The following CNTN5 variants were observed in gnomAD, a reference collection of about 807,000 sequenced individuals.
The protein encoded by CNTN5 is contactin 5.
CNTN5 carries 77 observed loss-of-function variants against 129.1 expected under a neutral mutation model. That is an observed-to-expected ratio of 0.60 (90% CI 0.50 to 0.72). CNTN5 has a LOEUF of 0.72. Ranked by LOEUF, CNTN5 falls within the 30% of genes least tolerant of loss-of-function variation. The pLI is 0.00. For missense variants in CNTN5, 1,478 were observed against 1,328.8 expected, an observed-to-expected ratio of 1.11 and a Z score of -1.75; for synonymous variants, 509 against 465.6, an observed-to-expected ratio of 1.09 and a Z score of -1.20.
At chr11:99,467,002 G>C (rs1944970402) in intron 2 of CNTN5, among the ~76,000 whole-genome samples, 2 of 152,124 alleles carry the variant, frequency 1.3e-5, no homozygotes, top group Non-Finnish European at 2.9e-5. Context: ...TGAATGCATA[G>C]TGTTATCTCT....
At chr11:99,260,878 A>C (rs568244091) in intron 1 of CNTN5, among the ~76,000 whole-genome samples, 3 of 152,106 alleles carry the variant, frequency 2.0e-5, no homozygotes, top group South Asian at 2.1e-4. Flanking sequence ...CTATGTATGT[A>C]TAACATCACT....
intron 13 of CNTN5, among the ~76,000 whole-genome samples, chr11:100,155,565 T>C (rs976769470): frequency 6.6e-6 from 1 of 152,078 alleles, no homozygotes; most frequent in Non-Finnish European, 1.5e-5. Flanking sequence ...AGAAAGTCAG[T>C]GGTAGCTTGA....
chr11:99,238,733 A>G (rs1861400406), intron 1 of CNTN5, among the ~76,000 whole-genome samples: 1 of 152,142 alleles, frequency 6.6e-6, no homozygotes, highest in African/African-American at 2.4e-5. Flanking sequence ...AAAATTGATC[A>G]TAAATGTATT....
At chr11:99,564,003 G>A (rs935266401) in intron 3 of CNTN5, among the ~76,000 whole-genome samples, 1 of 152,042 alleles carries the variant, frequency 6.6e-6, no homozygotes, top group African/African-American at 2.4e-5. Flanking sequence ...AAAAACGTGG[G>A]CTCATTTTTT....
intron 13 of CNTN5, among the ~76,000 whole-genome samples, chr11:100,163,698 T>A (rs1947531535): frequency 6.6e-6 from 1 of 151,792 alleles, no homozygotes; most frequent in Non-Finnish European, 1.5e-5. Flanking sequence ...GTGCTTACCT[T>A]CTAACCAAAT....
intron 8 of CNTN5, among the ~76,000 whole-genome samples, chr11:99,993,967 T>A (rs557902965): frequency 1.3e-5 from 2 of 152,162 alleles, no homozygotes; most frequent in Non-Finnish European, 1.5e-5. Flanking sequence ...TGAAGCCTCT[T>A]ATTCAACTCT....
At chr11:99,836,361 C>G (rs1327275861) in intron 4 of CNTN5, among the ~76,000 whole-genome samples, 2 of 142,454 alleles carry the variant, frequency 1.4e-5, no homozygotes, top group African/African-American at 5.2e-5. Flanking sequence ...TCTCATTGTT[C>G]AATTCCTACC....
chr11:99,536,823 T>C lies in CNTN5; in HGVS notation c.-70-19322T>C, dbSNP rs527718245. Among the ~76,000 whole-genome samples the C allele has an allele frequency of 5.5e-4, 79 of 143,850 alleles. 1 individual carries two copies. The South Asian group carries it at 0.016, about 30-fold the overall frequency. 94.4% of individuals were successfully genotyped at this position (143,850 alleles called of 152,430 possible). On this transcript the variant is annotated intron_variant, in intron 2 of 24. Transcript: ENST00000524871. Reference sequence around the variant, plus strand: ...AAAAGAGTCACAAAAAGAAGCCAGATATGTAATTTTAAATTTTCTAGTAGT... The same window carrying C: ...AAAAGAGTCACAAAAAGAAGCCAGACATGTAATTTTAAATTTTCTAGTAGT...
chr11:99,437,721 G>A (rs193243407), intron 2 of CNTN5, among the ~76,000 whole-genome samples: 2 of 152,270 alleles, frequency 1.3e-5, no homozygotes, highest in African/African-American at 4.8e-5. Context: ...TACTCAGGAG[G>A]CTGAGACAGG....
chr11:99,125,624 G>T (rs910040231), intron 1 of CNTN5, among the ~76,000 whole-genome samples: 1 of 152,166 alleles, frequency 6.6e-6, no homozygotes, highest in Non-Finnish European at 1.5e-5. Flanking sequence ...GCAAGAGAAA[G>T]AAATTACAGG....
chr11:99,758,183 G>T (rs1944464292), intron 3 of CNTN5, among the ~76,000 whole-genome samples: 2 of 151,980 alleles, frequency 1.3e-5, no homozygotes, highest in Non-Finnish European at 2.9e-5. Flanking sequence ...CCTCAAGGTT[G>T]ACCTTAATGA....
intron 8 of CNTN5, among the ~76,000 whole-genome samples, chr11:99,986,088 A>G (rs1378113613): frequency 1.3e-5 from 2 of 152,174 alleles, no homozygotes. Context: ...TGGCCCCTTC[A>G]GACCTCTCAT....
chr11:99,292,130 T>C (rs532455979), intron 1 of CNTN5, among the ~76,000 whole-genome samples: 2 of 152,016 alleles, frequency 1.3e-5, no homozygotes, highest in Admixed American at 1.3e-4. Context: ...TGTATAGGGA[T>C]AGCACTTTCA....
chr11:99,592,462 G>A (rs548052403), intron 3 of CNTN5, among the ~76,000 whole-genome samples: 17 of 152,188 alleles, frequency 1.1e-4, no homozygotes, highest in African/African-American at 3.9e-4. Flanking sequence ...CATATCAAAT[G>A]CTGCAATGAT....
intron 15 of CNTN5, among the ~76,000 whole-genome samples, chr11:100,210,227 C>G (rs1016495816): frequency 6.7e-6 from 1 of 149,052 alleles, no homozygotes; most frequent in Non-Finnish European, 1.5e-5. Flanking sequence ...TGGCATGTAT[C>G]TGTAGTCCCA....
At chr11:99,951,969 A>G (rs901284045) in intron 7 of CNTN5, among the ~76,000 whole-genome samples, 14 of 152,206 alleles carry the variant, frequency 9.2e-5, no homozygotes, top group African/African-American at 3.1e-4. Flanking sequence ...TGGAGCAACT[A>G]CACACCAAGT....
At chr11:100,282,703 A>G (rs926891434) in intron 18 of CNTN5, among the ~76,000 whole-genome samples, 23 of 152,204 alleles carry the variant, frequency 1.5e-4, no homozygotes, top group Non-Finnish European at 3.4e-4. Context: ...AGGCGGATCC[A>G]GAGGTGCCAT....
intron 8 of CNTN5, among the ~76,000 whole-genome samples, chr11:99,962,822 G>A (rs1377422784): frequency 1.3e-5 from 2 of 151,712 alleles, no homozygotes; most frequent in Admixed American, 6.6e-5. Flanking sequence ...AGCACCTGTT[G>A]TTTCCTGACT....
At chr11:99,230,816 C>T (rs771919334) in intron 1 of CNTN5, among the ~76,000 whole-genome samples, 1 of 152,010 alleles carries the variant, frequency 6.6e-6, no homozygotes, top group Non-Finnish European at 1.5e-5. Flanking sequence ...CTCTCTCCCA[C>T]CCCCTGACAA....
Sources: allele counts gnomAD v4.1 joint callset (sites outside exome capture counted in the v4.1 genomes callset), GRCh38; gene constraint gnomAD v4.1.1; transcripts MANE v1.5; gene names NCBI Gene and HGNC (gene_info 2026-07-23, HGNC 2026-07-21).